ACBD5: variants seen among roughly 807,000 people sequenced by gnomAD.
The protein encoded by ACBD5 is acyl-CoA-binding domain-containing protein 5.
ACBD5 carries 40 observed loss-of-function variants against 71.8 expected under a neutral mutation model. The ratio of observed to expected loss-of-function variants is 0.56; its 90% CI spans 0.43 to 0.72. The LOEUF (loss-of-function observed/expected upper bound fraction) is 0.72, where lower values mean the gene tolerates loss of function less well. Among genes scored for constraint, ACBD5 ranks in the 30% least tolerant of loss-of-function variants. The pLI is 0.00. For missense variants in ACBD5, 559 were observed against 644.5 expected (o/e 0.87, Z 1.44); for synonymous variants, 229 against 218.6 (o/e 1.05, Z -0.42).
chr10:27,214,574 C>T (rs2061433334), intron 8 of ACBD5, among the ~76,000 whole-genome samples: 1 of 151,784 alleles, frequency 6.6e-6, no homozygotes, highest in African/African-American at 2.4e-5. Flanking sequence ...AATTAAAATA[C>T]TGCTATCATC....
chr10:27,228,952 G>A (rs1222499524), intron 4 of ACBD5, among the ~76,000 whole-genome samples: 2 of 148,998 alleles, frequency 1.3e-5, no homozygotes, highest in African/African-American at 4.9e-5. Flanking sequence ...CCGAGTAGCT[G>A]GGATTACAGG....
intron 10 of ACBD5, among the ~76,000 whole-genome samples, chr10:27,207,543 A>G (rs2060595699): frequency 6.6e-6 from 1 of 152,110 alleles, no homozygotes; most frequent in Admixed American, 6.6e-5. Context: ...TGATGCTTCA[A>G]TGCTGTATAA....
chr10:27,239,315 G>A (rs1301638337), intron 2 of ACBD5, among the ~76,000 whole-genome samples: 1 of 152,174 alleles, frequency 6.6e-6, no homozygotes, highest in Admixed American at 6.5e-5. Context: ...ATATTTAATG[G>A]CCAAAAACTT....
intron 3 of ACBD5, among the ~76,000 whole-genome samples, chr10:27,232,806 G>A (rs149517168): frequency 4.3e-4 from 66 of 152,094 alleles, no homozygotes; most frequent in African/African-American, 1.5e-3. Flanking sequence ...ATTTTTGCCC[G>A]ACATGTAAAC....
downstream of ACBD5, among the ~76,000 whole-genome samples, chr10:27,191,001 GA>G (rs1458682031): frequency 6.6e-6 from 1 of 152,132 alleles, no homozygotes; most frequent in African/African-American, 2.4e-5. Flanking sequence ...CCCAAATAAA[GA>G]ATTCAAGAAA....
chr10:27,207,202 G>A (rs887562091), intron 10 of ACBD5, among the ~76,000 whole-genome samples: 1 of 151,978 alleles, frequency 6.6e-6, no homozygotes, highest in Non-Finnish European at 1.5e-5. Flanking sequence ...TTTGAACCCA[G>A]GAGGTGGAGG....
chr10:27,240,167 A>G lies in ACBD5; in HGVS notation c.181+152T>C. 4 of 1,218,800 alleles carry G rather than the reference A, an allele frequency of 3.3e-6. No individual in the cohort carries two copies. Among genetic ancestry groups the G allele is most frequent in the Non-Finnish European group, 4.5e-6 (4 of 885,100 alleles). The allele number at this position is 1,218,800 out of a possible 1,614,324, so 75.5% of individuals were successfully genotyped here. ...TTTTTCTCCGGTTTGGAAGATCAAAAGGTAATTAATTCATATTCAATAGCT... is the reference window on the plus strand; with the variant it reads ...TTTTTCTCCGGTTTGGAAGATCAAAGGGTAATTAATTCATATTCAATAGCT... On this transcript the variant is annotated intron_variant, in intron 2 of 12. Transcript: ENST00000396271. The surrounding 1 kb of genome is among the most constrained non-coding windows in gnomAD (Gnocchi z 4.1).
At chr10:27,194,639 T>G (rs143758879), downstream of ACBD5, among the ~76,000 whole-genome samples, 12,452 of 147,868 alleles carry the variant, frequency 0.084, 1,712 homozygotes, top group African/African-American at 0.29. Flanking sequence ...ATAATAATAA[T>G]AATAATAATA....
chr10:27,220,778 C>G (rs1408066443), intron 5 of ACBD5, among the ~76,000 whole-genome samples: 1 of 151,948 alleles, frequency 6.6e-6, no homozygotes, highest in East Asian at 1.9e-4. Flanking sequence ...CTCATCATTC[C>G]TGATTTCAAA....
At chr10:27,240,987 G>A (rs1328602), upstream of ACBD5, 354,878 of 568,218 alleles carry the variant, frequency 0.62, 113,359 homozygotes, top group Non-Finnish European at 0.68. This position sits in a 1 kb window ranked among gnomAD's most constrained non-coding sequence, Gnocchi z 4.1. Flanking sequence ...TCCCGGCTTG[G>A]TGCGGGGAGC....
chr10:27,223,252 AG>A, intron 5 of ACBD5, 85 bp downstream of exon 5: 3 of 1,009,478 alleles, frequency 3.0e-6, no homozygotes, highest in Non-Finnish European at 4.7e-6. Flanking sequence ...GGCGCGTGAA[AG>A]TAAGAAAAAA....
chr10:27,183,586 A>G (rs967319361), intron 13 of ACBD5, among the ~76,000 whole-genome samples: 8 of 152,150 alleles, frequency 5.3e-5, no homozygotes, highest in African/African-American at 1.9e-4. Context: ...GAGGTATGGT[A>G]ATATAGAGAA....
chr10:27,226,487 CAA>C (rs1178642319), intron 4 of ACBD5, among the ~76,000 whole-genome samples: 2 of 144,770 alleles, frequency 1.4e-5, no homozygotes, highest in Non-Finnish European at 3.1e-5. Flanking sequence ...CACACACACA[CAA>C]GCAGACACAG....
In ACBD5 at chr10:27,223,401, T is replaced by C. The variant is rs377238425; in HGVS notation, c.427A>G (p.Ile143Val). ...TEKVEELLRVIGPFYEIVEDK... is the reference protein window; with the variant it reads ...TEKVEELLRVVGPFYEIVEDK... ...TCGACAATTTCATAAAATGGACCTA[T>C]GACACGCAGCAATTCTTCAACTTTC... is the stretch of plus-strand genomic sequence containing the variant. The change falls in exon 5 of 13, where the codon ATA (isoleucine) becomes GTA (valine). Residue 143 changes from isoleucine (I) to valine (V), a missense_variant. Ile to Val is a conservative substitution (Grantham distance 29, BLOSUM62 3). Transcript: ENST00000396271. 4 of 1,613,908 alleles carry C rather than the reference T, an allele frequency of 2.5e-6. No homozygotes were observed. Among genetic ancestry groups the C allele is most frequent in the African/African-American group, 1.3e-5 (1 of 75,072 alleles).
intron 9 of ACBD5, among the ~76,000 whole-genome samples, chr10:27,209,687 A>G (rs1458977968): frequency 6.6e-6 from 1 of 152,192 alleles, no homozygotes; most frequent in African/African-American, 2.4e-5. Flanking sequence ...AAATCTCACT[A>G]CTATTAAGAT....
chr10:27,198,783 C>T (rs1045051780), intron 12 of ACBD5, among the ~76,000 whole-genome samples: 3 of 152,264 alleles, frequency 2.0e-5, no homozygotes, highest in Non-Finnish European at 4.4e-5. Context: ...CTGCGGGATG[C>T]AGATTACTAC....
At chr10:27,235,874 A>G (rs775058806) in intron 2 of ACBD5, among the ~76,000 whole-genome samples, 1 of 152,164 alleles carries the variant, frequency 6.6e-6, no homozygotes, top group Non-Finnish European at 1.5e-5. Context: ...GCACTTTGTG[A>G]GGCTGAGGTG....
intron 9 of ACBD5, 125 bp from the exon 10 acceptor site, chr10:27,208,570 G>T: frequency 8.8e-7 from 1 of 1,140,906 alleles, no homozygotes; most frequent in Non-Finnish European, 1.3e-6. Context: ...AGGAGCTGTG[G>T]CTCACACCTG....
chr10:27,223,085 T>A (rs16927646), intron 5 of ACBD5: 4 of 669,200 alleles, frequency 6.0e-6, no homozygotes, highest in South Asian at 5.1e-5. Flanking sequence ...GAACTTCATA[T>A]AATGTGTTTG....
Sources: gnomAD v4.1 joint callset for allele counts (sites outside exome capture counted in the v4.1 genomes callset) on GRCh38, gnomAD v4.1.1 for gene constraint, Gnocchi (gnomAD v3.1) non-coding constraint, MANE v1.5 for transcripts, NCBI Gene and HGNC (gene_info 2026-07-23, HGNC 2026-07-21) for gene names.